Variants in PPP5C observed in about 807,000 individuals in gnomAD.
The protein encoded by PPP5C is serine/threonine-protein phosphatase 5.
Under a neutral mutation model 66.7 loss-of-function variants are expected in PPP5C, and 21 were observed. The ratio of observed to expected loss-of-function variants is 0.31; its 90% confidence interval spans 0.22 to 0.45. The LOEUF (loss-of-function observed/expected upper bound fraction) is 0.45, where lower values mean the gene tolerates loss of function less well. PPP5C is among the 20% of genes least tolerant of loss of function. PPP5C has a pLI of 1.00. For synonymous variants in PPP5C, 246 were observed against 257.4 expected (o/e 0.96, Z 0.43); for missense variants, 464 against 675.9 (o/e 0.69, Z 3.48).
Position 46,383,268 on chromosome 19 carries a change from A to G in PPP5C, c.634-143A>G. On this transcript the variant is annotated intron_variant, in intron 4 of 12. Coordinates refer to ENST00000012443, the MANE Select transcript of PPP5C (RefSeq NM_006247.4). The surrounding 1 kb of genome is among the most constrained non-coding windows in gnomAD (Gnocchi z 5.0). ...CGGCCCCGCCTGCTCCCGCTCCCCCAGGCCTGCCCTGCCCTTTTTCTTCTC... is the reference window on the plus strand; with the variant it reads ...CGGCCCCGCCTGCTCCCGCTCCCCCGGGCCTGCCCTGCCCTTTTTCTTCTC... 1 of 1,546,614 alleles carries G rather than the reference A, an allele frequency of 6.5e-7. No individual in the cohort carries two copies. Among genetic ancestry groups the G allele is most frequent in the Non-Finnish European group, 8.7e-7 (1 of 1,145,932 alleles).
chr19:46,383,642 T>A lies in PPP5C; in HGVS notation c.700-138T>A. On this transcript the variant is annotated intron_variant, in intron 5 of 12. Transcript: ENST00000012443. This position sits in a 1 kb window ranked among gnomAD's most constrained non-coding sequence, Gnocchi z 5.0. ...CCATTTCTCTCCTGGCCTCTTGGTC[T>A]TCGTTTGTGTTCCCTGCTTGTGTCT... 1 of 1,013,546 alleles carries A rather than the reference T, an allele frequency of 9.9e-7. No homozygotes were observed. The highest frequency in any genetic ancestry group is 2.5e-5 in the East Asian group (1 of 39,650). The allele number at this position is 1,013,546 out of a possible 1,614,324, so 62.8% of individuals were successfully genotyped here. A position where few individuals can be genotyped will look rare whatever the true frequency, so the allele number is the denominator to read the frequency against.
At position 46,388,412 on chromosome 19, in the gene PPP5C, C is replaced by T. The variant is rs1018403316; in HGVS notation, c.1140C>T (p.Pro380=). Residue 380 remains proline, a synonymous_variant, in exon 10 of 13, where the codon CCC becomes CCT. Coordinates refer to ENST00000012443, the MANE Select transcript of PPP5C (RefSeq NM_006247.4). This position sits in a 1 kb window ranked among gnomAD's most constrained non-coding sequence, Gnocchi z 4.9. Reference sequence around the variant, plus strand: ...GTTTCCCTCGCTCCCCACCAGGGCCCATGTGTGACCTGCTCTGGTCAGATC... The same window carrying T: ...GTTTCCCTCGCTCCCCACCAGGGCCTATGTGTGACCTGCTCTGGTCAGATC... ...ERNRQPPDSG[P]MCDLLWSDPQ... 1.2e-6 allele frequency: 2 copies of T among 1,610,850 alleles called. No individual in the cohort carries two copies. The highest frequency in any genetic ancestry group is 3.3e-5 in the Admixed American group (2 of 59,904).
intron 2 of PPP5C, among the ~76,000 whole-genome samples, chr19:46,374,280 A>G (rs2147387610): frequency 6.6e-6 from 1 of 152,224 alleles, no homozygotes; most frequent in African/African-American, 2.4e-5. Flanking sequence ...TGCAGGGGTC[A>G]GTGGGTGTCT....
chr19:46,377,672 A>G (rs749999075), intron 4 of PPP5C, among the ~76,000 whole-genome samples: 4 of 152,188 alleles, frequency 2.6e-5, no homozygotes. Flanking sequence ...CTCCCATCCC[A>G]GGGGCAACCA....
intron 11 of PPP5C, among the ~76,000 whole-genome samples, chr19:46,389,808 C>T (rs1972979174): frequency 6.6e-6 from 1 of 151,970 alleles, no homozygotes; most frequent in Admixed American, 6.6e-5. Context: ...TGAGCTATGC[C>T]CTGCCCCTTC....
Position 46,390,577 on chromosome 19 carries a change from TG to T in PPP5C, c.*236del. On this transcript the variant is annotated 3_prime_UTR_variant, in exon 13 of 13. Coordinates refer to ENST00000012443, the MANE Select transcript of PPP5C (RefSeq NM_006247.4). Reference sequence around the variant, plus strand: ...AGGAAGGAGGTGGAGCAGCTGGGGCTGGGGGCACAGCCTGGGCATTCTGTGG... The same window carrying T: ...AGGAAGGAGGTGGAGCAGCTGGGGCTGGGGCACAGCCTGGGCATTCTGTGG... 1.5e-6 allele frequency: 2 copies of T among 1,331,178 alleles called. No individual in the cohort carries two copies. Among genetic ancestry groups the T allele is most frequent in the Non-Finnish European group, 1.9e-6 (2 of 1,034,852 alleles). 82.5% of individuals were successfully genotyped at this position (1,331,178 alleles called of 1,614,324 possible).
At chr19:46,389,089 C>T (rs960619700) in intron 11 of PPP5C, among the ~76,000 whole-genome samples, 4 of 152,020 alleles carry the variant, frequency 2.6e-5, no homozygotes, top group African/African-American at 9.7e-5. Flanking sequence ...TTTGGGAGGC[C>T]GAGGTGGGCG....
rs1216630937 is a variant in PPP5C at position 46,383,749 on chromosome 19, C to G, written c.700-31C>G. Reference sequence around the variant, plus strand: ...CCCTCCCCACGTCTCTCTCTCGGCCCGTCCCTCTCCGGTGGCCTCTTTTCT... The same window carrying G: ...CCCTCCCCACGTCTCTCTCTCGGCCGGTCCCTCTCCGGTGGCCTCTTTTCT... On this transcript the variant is annotated intron_variant, in intron 5 of 12. Transcript: ENST00000012443. The surrounding 1 kb of genome is among the most constrained non-coding windows in gnomAD (Gnocchi z 5.0). 6.4e-7 allele frequency: 1 copy of G among 1,551,228 alleles called. No individual in the cohort carries two copies. Among genetic ancestry groups the G allele is most frequent in the Non-Finnish European group, 8.9e-7 (1 of 1,123,164 alleles).
At chr19:46,352,402 T>C (rs1452213300) in intron 1 of PPP5C, among the ~76,000 whole-genome samples, 1 of 152,184 alleles carries the variant, frequency 6.6e-6, no homozygotes, top group Non-Finnish European at 1.5e-5. Flanking sequence ...GAGGCAGAGC[T>C]AGGGACTGGG....
intron 2 of PPP5C, among the ~76,000 whole-genome samples, chr19:46,372,046 G>T (rs1972602304): frequency 6.6e-6 from 1 of 152,194 alleles, no homozygotes; most frequent in Admixed American, 6.5e-5. Flanking sequence ...CTAAGAAGCT[G>T]CTGATGGTCT....
chr19:46,388,508 G>A lies in PPP5C; in HGVS notation c.1177-45G>A. 6.2e-7 allele frequency: 1 copy of A among 1,610,764 alleles called. No individual in the cohort carries two copies. The highest frequency in any genetic ancestry group is 8.5e-7 in the Non-Finnish European group (1 of 1,177,562). On this transcript the variant is annotated intron_variant, in intron 10 of 12. Coordinates refer to ENST00000012443, the MANE Select transcript of PPP5C (RefSeq NM_006247.4). This position sits in a 1 kb window ranked among gnomAD's most constrained non-coding sequence, Gnocchi z 4.9. ...TGGGCTGTGGCAGCAGGTGGAGGCA[G>A]ACAGTCACCCTGAACCCCTGTCTCT... is the stretch of plus-strand genomic sequence containing the variant.
At chr19:46,385,790 A>AAT (rs1555794752) in intron 7 of PPP5C, among the ~76,000 whole-genome samples, 1 of 151,748 alleles carries the variant, frequency 6.6e-6, no homozygotes, top group Non-Finnish European at 1.5e-5. Context: ...AAAAAAAAAA[A>AAT]AAAAGCCAGG....
At position 46,347,158 on chromosome 19, in the gene PPP5C, C is replaced by T. The variant is rs760656600; in HGVS notation, c.62C>T (p.Ala21Val). The T allele has an allele frequency of 2.5e-6, 4 of 1,605,590 alleles. No homozygotes were observed. The highest frequency in any genetic ancestry group is 1.1e-5 in the South Asian group (1 of 89,652). ...GAGCCCCCCCGGGACGAACCCCCGG[C>T]TGATGGAGCTCTGAAGCGGGCAGAG... The part of the protein sequence containing the change: ...CAEPPRDEPP[A>V]DGALKRAEEL... The change falls in exon 1 of 13, where the codon GCT (alanine) becomes GTT (valine). Residue 21 changes from alanine (A) to valine (V), a missense_variant. Transcript: ENST00000012443.
chr19:46,383,842 C>G lies in PPP5C; in HGVS notation c.762C>G (p.Phe254Leu), dbSNP rs761049173. ...HGQFYDLLNIFELNGLPSETN... is the reference protein window; with the variant it reads ...HGQFYDLLNILELNGLPSETN... ...AGTTCTATGACCTCCTCAACATATT[C>G]GAGCTCAACGGTTTACCCTCGGAGA... Residue 254 changes from phenylalanine (F) to leucine (L), a missense_variant, in exon 6 of 13, where the codon TTC becomes TTG. By Grantham distance (22) the Phe-to-Leu change is conservative. Coordinates refer to ENST00000012443, the MANE Select transcript of PPP5C (RefSeq NM_006247.4). The surrounding 1 kb of genome is among the most constrained non-coding windows in gnomAD (Gnocchi z 5.0). 3.1e-6 allele frequency: 5 copies of G among 1,613,884 alleles called. No individual in the cohort carries two copies. Among genetic ancestry groups the G allele is most frequent in the African/African-American group, 1.3e-5 (1 of 74,910 alleles).
chr19:46,389,362 AACACACACAC>A (rs57181889), intron 11 of PPP5C, among the ~76,000 whole-genome samples: 39 of 97,964 alleles, frequency 4.0e-4, no homozygotes, highest in Admixed American at 9.0e-4. Context: ...TCCATCTCAA[AACACACACAC>A]ACACACACAC....
In PPP5C at chr19:46,387,171, A is replaced by G; in HGVS notation, c.983A>G (p.Tyr328Cys). Residue 328 changes from tyrosine (Y) to cysteine (C), a missense_variant, in exon 8 of 13, where the codon TAC (tyrosine) becomes TGC (cysteine). This residue lies in a region of PPP5C where 387 missense variants were observed against 626.0 expected (regional missense o/e 0.62). Coordinates refer to ENST00000012443, the MANE Select transcript of PPP5C (RefSeq NM_006247.4). ...EVKAKYTAQM[Y>C]ELFSEVFEWL... ...AAGGCCAAGTACACAGCCCAGATGT[A>G]CGAGCTCTTTAGCGAGGTGTTCGAG... The G allele has an allele frequency of 6.2e-7, 1 of 1,614,236 alleles. No individual in the cohort carries two copies. Among genetic ancestry groups the G allele is most frequent in the Non-Finnish European group, 8.5e-7 (1 of 1,180,050 alleles).
Position 46,387,473 on chromosome 19 carries a change from G to A in PPP5C, c.1135+20G>A, listed in dbSNP as rs1188121189. ...ATTCAGGTGAGCAGCGCGGGGCCAG[G>A]TGTCTCCAGCAGAAAGGGGCAGCCT... is the stretch of plus-strand genomic sequence containing the variant. On this transcript the variant is annotated intron_variant, in intron 9 of 12. Coordinates refer to ENST00000012443, the MANE Select transcript of PPP5C (RefSeq NM_006247.4). 16 of 1,613,942 alleles carry A rather than the reference G, an allele frequency of 9.9e-6. No homozygotes were observed. Among genetic ancestry groups the A allele is most frequent in the Non-Finnish European group, 1.4e-5 (16 of 1,179,926 alleles).
At chr19:46,384,315 G>C (rs185698592) in intron 6 of PPP5C, 139 of 245,042 alleles carry the variant, frequency 5.7e-4, no homozygotes, top group Non-Finnish European at 9.2e-4. Flanking sequence ...TTACTCAGCA[G>C]TTACTGAGAG....
intron 1 of PPP5C, among the ~76,000 whole-genome samples, chr19:46,347,561 C>T (rs571241317): frequency 6.1e-4 from 90 of 147,902 alleles, no homozygotes; most frequent in African/African-American, 2.2e-3. Context: ...TGATTGATGG[C>T]GCTACCAAAT....
Sources: gnomAD v4.1 joint callset for allele counts (sites outside exome capture counted in the v4.1 genomes callset) on GRCh38, gnomAD v4.1.1 for gene constraint, gnomAD v4.1.1 regional missense constraint, Gnocchi (gnomAD v3.1) non-coding constraint, MANE v1.5 for transcripts, NCBI Gene and HGNC (gene_info 2026-07-23, HGNC 2026-07-21) for gene names.